Variants in ESRRG observed in about 807,000 individuals in gnomAD.
ESRRG encodes the protein estrogen related receptor gamma.
A neutral mutation model predicts 44.0 loss-of-function variants in ESRRG; 13 were observed. That is an observed-to-expected ratio of 0.30 (90% confidence interval 0.19 to 0.47). ESRRG has a LOEUF of 0.47. ESRRG is among the 20% of genes least tolerant of loss of function. ESRRG has a pLI of 1.00. For synonymous variants in ESRRG, 215 were observed against 214.6 expected, an observed-to-expected ratio of 1.00 and a Z score of -0.02; for missense variants, 395 against 580.6, an observed-to-expected ratio of 0.68 and a Z score of 3.29.
intron 2 of ESRRG, among the ~76,000 whole-genome samples, chr1:216,889,870 G>A (rs11572532): frequency 6.6e-6 from 1 of 151,944 alleles, no homozygotes; most frequent in Non-Finnish European, 1.5e-5. Context: ...AAGATGAAAA[G>A]GTCTCTTTTT....
intron 5 of ESRRG, among the ~76,000 whole-genome samples, chr1:216,535,850 A>G (rs2050785657): frequency 6.6e-6 from 1 of 151,972 alleles, no homozygotes; most frequent in Admixed American, 6.6e-5. Flanking sequence ...TGTTCACTGC[A>G]TCCCTTCACC....
intron 1 of ESRRG, among the ~76,000 whole-genome samples, chr1:217,030,085 G>GA (rs2081843552): frequency 6.6e-6 from 1 of 152,120 alleles, no homozygotes; most frequent in Non-Finnish European, 1.5e-5. Context: ...CCATGTCAAA[G>GA]AAAGAATAAG....
At chr1:216,645,147 G>T (rs1442653665) in intron 3 of ESRRG, among the ~76,000 whole-genome samples, 1 of 152,076 alleles carries the variant, frequency 6.6e-6, no homozygotes, top group Non-Finnish European at 1.5e-5. Context: ...CCTATTAATT[G>T]CTCTACTGTG....
intron 2 of ESRRG, among the ~76,000 whole-genome samples, chr1:216,736,176 A>ATTTTTT (rs34469625): frequency 1.2e-5 from 1 of 82,686 alleles, no homozygotes; most frequent in African/African-American, 5.0e-5. Flanking sequence ...GTTAAGGACT[A>ATTTTTT]TTTTTTTTTT....
chr1:216,647,359 C>G (rs2067851495), intron 3 of ESRRG, among the ~76,000 whole-genome samples: 1 of 152,164 alleles, frequency 6.6e-6, no homozygotes, highest in South Asian at 2.1e-4. Context: ...TTTCAGGATG[C>G]TGAATGGTGC....
intron 2 of ESRRG, among the ~76,000 whole-genome samples, chr1:216,884,345 T>G (rs2096489072): frequency 6.6e-6 from 1 of 152,248 alleles, no homozygotes; most frequent in African/African-American, 2.4e-5. Context: ...ACACACACGA[T>G]TCCAGAGAAA....
intron 2 of ESRRG, among the ~76,000 whole-genome samples, chr1:216,818,555 C>T (rs2095213428): frequency 6.6e-6 from 1 of 151,980 alleles, no homozygotes; most frequent in Non-Finnish European, 1.5e-5. Context: ...CCCTCATTGC[C>T]AAGAATTAGC....
At chr1:216,538,191 T>G (rs1271038528) in intron 5 of ESRRG, among the ~76,000 whole-genome samples, 1 of 152,070 alleles carries the variant, frequency 6.6e-6, no homozygotes, top group Non-Finnish European at 1.5e-5. Flanking sequence ...TTCTATGATA[T>G]CAAAATGTAT....
intron 2 of ESRRG, among the ~76,000 whole-genome samples, chr1:216,781,400 C>G (rs1258315961): frequency 1.3e-5 from 2 of 152,000 alleles, no homozygotes; most frequent in Non-Finnish European, 2.9e-5. Context: ...TAATAAATAA[C>G]CACATTTGCA....
chr1:216,939,364 A>AAAAAAAAAAAAAAAAAAAC (rs1553720877), intron 2 of ESRRG, among the ~76,000 whole-genome samples: 35 of 133,728 alleles, frequency 2.6e-4, no homozygotes, highest in African/African-American at 1.0e-3. Flanking sequence ...AAAAAAAAAA[A>AAAAAAAAAAAAAAAAAAAC]AAAAAACACT....
chr1:216,929,984 A>G (rs77764945), intron 2 of ESRRG, among the ~76,000 whole-genome samples: 40 of 152,120 alleles, frequency 2.6e-4, no homozygotes, highest in African/African-American at 8.9e-4. Context: ...TACCTTATCT[A>G]AGTTATTAGT....
chr1:216,967,808 G>A (rs758610798), intron 1 of ESRRG, among the ~76,000 whole-genome samples: 11 of 152,026 alleles, frequency 7.2e-5, no homozygotes, highest in Non-Finnish European at 1.6e-4. Flanking sequence ...GTAAGAAACT[G>A]CCCAAACTGT....
chr1:217,135,529 CGGCGGCGGCGGCGGCGGTGTT>C (rs1237570038), intron 1 of ESRRG, among the ~76,000 whole-genome samples: 8 of 150,990 alleles, frequency 5.3e-5, no homozygotes, highest in Admixed American at 4.6e-4. Context: ...GGCGCGCGCG[CGGCGGCGGCGGCGGCGGTGTT>C]GGCGGCGGCG....
intron 1 of ESRRG, among the ~76,000 whole-genome samples, chr1:217,123,748 T>G (rs978265463): frequency 6.6e-6 from 1 of 151,830 alleles, no homozygotes; most frequent in Non-Finnish European, 1.5e-5. Context: ...CACTGGAGCC[T>G]GTTAGGGGAG....
intron 5 of ESRRG, among the ~76,000 whole-genome samples, chr1:216,550,239 GA>G (rs1249008599): frequency 1.3e-5 from 2 of 152,050 alleles, no homozygotes; most frequent in African/African-American, 2.4e-5. Context: ...ATCGCAAATT[GA>G]AAATACTAAA....
chr1:216,524,297 T>C (rs915076032), intron 5 of ESRRG, among the ~76,000 whole-genome samples: 14 of 141,944 alleles, frequency 9.9e-5, no homozygotes, highest in South Asian at 6.3e-4. Flanking sequence ...TATATATATA[T>C]ACACACACTT....
intron 2 of ESRRG, among the ~76,000 whole-genome samples, chr1:216,840,492 T>C (rs943807100): frequency 1.4e-5 from 2 of 145,492 alleles, no homozygotes; most frequent in South Asian, 2.3e-4. Context: ...GTGTGTCCAC[T>C]GGAGTAGCAC....
chr1:216,976,286 A>ATGTGTGTG (rs61142800), intron 1 of ESRRG, among the ~76,000 whole-genome samples: 7,010 of 146,910 alleles, frequency 0.048, 231 homozygotes, highest in Non-Finnish European at 0.065. Context: ...ATGCTCCTAA[A>ATGTGTGTG]TGTGTGTGTG....
chr1:216,992,500 C>A (rs1235179842), intron 1 of ESRRG, among the ~76,000 whole-genome samples: 1 of 152,144 alleles, frequency 6.6e-6, no homozygotes, highest in Non-Finnish European at 1.5e-5. Flanking sequence ...CAGTACCCAG[C>A]ATAGTGCCTG....
Sources: allele counts gnomAD v4.1 joint callset (sites outside exome capture counted in the v4.1 genomes callset), GRCh38; gene constraint gnomAD v4.1.1; transcripts MANE v1.5; gene names NCBI Gene and HGNC (gene_info 2026-07-23, HGNC 2026-07-21).